AMPH: variants seen among roughly 807,000 people sequenced by gnomAD.
AMPH encodes amphiphysin (Stiff-Mann syndrome with breast cancer 128kD autoantigen).
A neutral mutation model predicts 99.1 loss-of-function variants in AMPH; 49 were observed. The observed-to-expected ratio is 0.49, with a 90% CI of 0.39 to 0.63. The LOEUF (loss-of-function observed/expected upper bound fraction) is 0.63. AMPH is among the 20% of genes least tolerant of loss of function. The probability of loss-of-function intolerance (pLI) is 0.00; values close to 1 mark genes in which losing one functional copy is unlikely to be tolerated. For missense variants in AMPH, 759 were observed against 863.4 expected (o/e 0.88, Z 1.52); for synonymous variants, 314 against 317.3 (o/e 0.99, Z 0.11).
intron 2 of AMPH, among the ~76,000 whole-genome samples, chr7:38,511,014 T>A (rs572771717): frequency 1.3e-5 from 2 of 152,292 alleles, no homozygotes; most frequent in African/African-American, 4.8e-5. Context: ...CTTCTAACCA[T>A]GCAACTTGGG....
intron 11 of AMPH, among the ~76,000 whole-genome samples, chr7:38,451,712 C>G (rs1787045953): frequency 6.6e-6 from 1 of 152,018 alleles, no homozygotes; most frequent in African/African-American, 2.4e-5. Context: ...ACAGAGACTC[C>G]CTTTTCAAAG....
rs955950455 is a variant in AMPH at position 38,436,180 on chromosome 7, G to A, written c.1134+92C>T. The A allele has an allele frequency of 4.8e-5, 43 of 886,854 alleles. No homozygotes were observed. The South Asian group carries it at 6.2e-4, about 13-fold the overall frequency. The allele number at this position is 886,854 out of a possible 1,614,324, so 54.9% of individuals were successfully genotyped here. ...TGTCAACCAAAAATAAAAATAGATA[G>A]TAGTCATGAAAGGTATAGGGATCAT... On this transcript the variant is annotated intron_variant, in intron 12 of 20. Coordinates refer to ENST00000356264, the MANE Select transcript of AMPH (RefSeq NM_001635.4).
At chr7:38,629,189 A>G (rs1402025028) in intron 1 of AMPH, among the ~76,000 whole-genome samples, 1 of 152,136 alleles carries the variant, frequency 6.6e-6, no homozygotes, top group Non-Finnish European at 1.5e-5. Context: ...AGCAGCCTCC[A>G]TTTGGGCTGG....
chr7:38,610,310 AGAAAAGAAAAG>A (rs1793606606), intron 1 of AMPH, among the ~76,000 whole-genome samples: 1 of 37,684 alleles, frequency 2.7e-5, no homozygotes, highest in African/African-American at 1.5e-4. Flanking sequence ...AGAAAAGAAA[AGAAAAGAAAAG>A]AAAAGAAAAG....
intron 1 of AMPH, among the ~76,000 whole-genome samples, chr7:38,541,017 T>TAAA (rs60200785): frequency 5.5e-4 from 54 of 97,524 alleles, no homozygotes; most frequent in Non-Finnish European, 5.1e-4. Flanking sequence ...TTTCTGTTCT[T>TAAA]AAAAAAAAAA....
chr7:38,576,990 G>A (rs1332174764), intron 1 of AMPH, among the ~76,000 whole-genome samples: 1 of 152,138 alleles, frequency 6.6e-6, no homozygotes, highest in Non-Finnish European at 1.5e-5. Flanking sequence ...ATAGCTAGTA[G>A]TGATTATTAT....
intron 3 of AMPH, among the ~76,000 whole-genome samples, chr7:38,501,293 C>T (rs1468874622): frequency 1.3e-5 from 2 of 152,212 alleles, no homozygotes; most frequent in East Asian, 3.8e-4. Context: ...CGGGTTCAAG[C>T]AATTCTCCTG....
In AMPH at chr7:38,535,070, C is replaced by T. The variant is rs7785452; in HGVS notation, c.70-59G>A. ...AATAATGTTTTCAAAGAAAGATGTG[C>T]ATTTTCTGTTAATGGAGCAAGGCTG... On this transcript the variant is annotated intron_variant, in intron 1 of 20. Transcript: ENST00000356264. 1,223 of 1,476,348 alleles carry T rather than the reference C, an allele frequency of 8.3e-4. 16 individuals are homozygous for T. In the African/African-American group the frequency reaches 0.016, roughly 19 times the overall value. The allele number at this position is 1,476,348 out of a possible 1,614,324, so 91.5% of individuals were successfully genotyped here.
At chr7:38,429,550 A>G (rs1785922624) in intron 14 of AMPH, 1 of 1,414,510 alleles carries the variant, frequency 7.1e-7, no homozygotes, top group East Asian at 3.3e-5. Context: ...ATCAGGTTAC[A>G]CAAGGAAAGA....
At chr7:38,501,766 CAAAT>C (rs3056240) in intron 3 of AMPH, among the ~76,000 whole-genome samples, 7,197 of 148,116 alleles carry the variant, frequency 0.049, 293 homozygotes, top group East Asian at 0.18. Flanking sequence ...AAAAGCATAC[CAAAT>C]AAATAAATAA....
chr7:38,512,761 G>T (rs906068092), intron 2 of AMPH, among the ~76,000 whole-genome samples: 1 of 152,220 alleles, frequency 6.6e-6, no homozygotes, highest in Non-Finnish European at 1.5e-5. Flanking sequence ...TTAAATTAAG[G>T]CTTTTCATTT....
intron 1 of AMPH, among the ~76,000 whole-genome samples, chr7:38,595,765 T>G (rs1793030389): frequency 6.6e-6 from 1 of 152,194 alleles, no homozygotes; most frequent in African/African-American, 2.4e-5. Context: ...CCCATCTTCA[T>G]GCCAATGTGT....
At chr7:38,551,050 C>A (rs529895356) in intron 1 of AMPH, among the ~76,000 whole-genome samples, 3 of 152,132 alleles carry the variant, frequency 2.0e-5, no homozygotes, top group Non-Finnish European at 4.4e-5. Context: ...TTGCTCAAAA[C>A]CCCTGTGGAT....
chr7:38,455,795 T>A (rs1417099699), intron 11 of AMPH, among the ~76,000 whole-genome samples: 1 of 152,232 alleles, frequency 6.6e-6, no homozygotes, highest in African/African-American at 2.4e-5. Flanking sequence ...CCTGAGTGGC[T>A]GCAGCTTGTA....
At chr7:38,558,256 A>C (rs1791434284) in intron 1 of AMPH, among the ~76,000 whole-genome samples, 1 of 152,290 alleles carries the variant, frequency 6.6e-6, no homozygotes, top group South Asian at 2.1e-4. Context: ...CTAGTTCCAC[A>C]ACACACAGCT....
chr7:38,587,358 A>C (rs1792693302), intron 1 of AMPH, among the ~76,000 whole-genome samples: 1 of 152,230 alleles, frequency 6.6e-6, no homozygotes. Flanking sequence ...ACATCGATCT[A>C]AACGTGCTTC....
At chr7:38,443,281 C>A (rs1406755583) in intron 11 of AMPH, among the ~76,000 whole-genome samples, 1 of 151,982 alleles carries the variant, frequency 6.6e-6, no homozygotes. Context: ...CCGATGAATT[C>A]TATCAAACCT....
rs781216086 is a variant in AMPH at position 38,476,932 on chromosome 7, T to C, written c.434A>G (p.Tyr145Cys). 8.1e-6 allele frequency: 13 copies of C among 1,613,776 alleles called. No individual in the cohort carries two copies. The highest frequency in any genetic ancestry group is 1.7e-5 in the Admixed American group (1 of 59,982). The change falls in exon 6 of 21, where the codon TAT becomes TGT. Residue 145 changes from tyrosine to cysteine, a missense_variant. This residue lies in a region of AMPH where 205 missense variants were observed against 287.9 expected (regional missense o/e 0.71). Transcript: ENST00000356264. ...TTCCAGATGGTGGCGGGCACTGTCA[T>C]AGTCCACTAGCTTCCTGCTGCGCTT... ...IAKRSRKLVD[Y>C]DSARHHLEAL...
At chr7:38,398,875 T>C (rs1194571477) in intron 17 of AMPH, among the ~76,000 whole-genome samples, 1 of 152,050 alleles carries the variant, frequency 6.6e-6, no homozygotes, top group East Asian at 1.9e-4. Flanking sequence ...AAAAAACAGG[T>C]ATTAGCTGCT....
Sources: gnomAD v4.1 joint callset for allele counts (sites outside exome capture counted in the v4.1 genomes callset) on GRCh38, gnomAD v4.1.1 for gene constraint, gnomAD v4.1.1 regional missense constraint, MANE v1.5 for transcripts, NCBI Gene and HGNC (gene_info 2026-07-23, HGNC 2026-07-21) for gene names.